The following PCDH9 variants were observed in gnomAD, a reference collection of about 807,000 sequenced individuals.
The protein encoded by PCDH9 is protocadherin-9.
In PCDH9, 24 loss-of-function variants were observed where a neutral mutation model predicts 70.6. That is an observed-to-expected ratio of 0.34 (90% confidence interval 0.25 to 0.48). PCDH9 has a LOEUF of 0.48. Ranked by LOEUF, PCDH9 falls within the 20% of genes least tolerant of loss-of-function variation. The pLI, the probability that PCDH9 is intolerant of heterozygous loss-of-function variation, is 0.99. For missense variants in PCDH9, 1,281 were observed against 1,503.6 expected (o/e 0.85, Z 2.45); for synonymous variants, 562 against 558.5 (o/e 1.01, Z -0.09).
At chr13:66,890,702 C>T (rs2082082788) in intron 3 of PCDH9, among the ~76,000 whole-genome samples, 1 of 152,074 alleles carries the variant, frequency 6.6e-6, no homozygotes, top group Admixed American at 6.6e-5. Flanking sequence ...ATGGCCTAAT[C>T]ACATCGACCA....
intron 2 of PCDH9, among the ~76,000 whole-genome samples, chr13:67,142,870 G>A (rs956475663): frequency 1.4e-4 from 21 of 150,374 alleles, no homozygotes; most frequent in Admixed American, 4.0e-4. Flanking sequence ...ATAGCTGGGC[G>A]TTGTAGCAGG....
At chr13:66,746,650 A>T (rs992786814) in intron 3 of PCDH9, among the ~76,000 whole-genome samples, 1 of 152,186 alleles carries the variant, frequency 6.6e-6, no homozygotes, top group Non-Finnish European at 1.5e-5. Flanking sequence ...TATAAAACAG[A>T]TTTACAGTCT....
chr13:67,059,405 ATATATATGGTATATATAGTATATAC>A (rs1325550193), intron 2 of PCDH9, among the ~76,000 whole-genome samples: 1 of 146,974 alleles, frequency 6.8e-6, no homozygotes, highest in Non-Finnish European at 1.5e-5. Flanking sequence ...TATATAGTGT[ATATATATGGTATATATAGTATATAC>A]TATATATAAT....
intron 3 of PCDH9, among the ~76,000 whole-genome samples, chr13:66,836,127 A>C (rs1478236236): frequency 6.6e-6 from 1 of 152,186 alleles, no homozygotes; most frequent in East Asian, 1.9e-4. Flanking sequence ...ACATGGGGAA[A>C]CAAAGTTGAA....
At position 66,541,719 on chromosome 13, in the gene PCDH9, C is replaced by A. The variant is rs1960965707; in HGVS notation, c.3340+89491G>T. Among the ~76,000 whole-genome samples the A allele has an allele frequency of 2.6e-5, 4 of 152,136 alleles. No homozygotes were observed. The South Asian group carries it at 8.3e-4, about 32-fold the overall frequency. ...CTTAACCAATTACTTCTGCAAATAT[C>A]CTGTTTCCAAATAACAGGGCCACAT... On this transcript the variant is annotated intron_variant, in intron 4 of 4. Coordinates refer to ENST00000377865, the MANE Select transcript of PCDH9 (RefSeq NM_203487.3).
chr13:66,850,707 C>T (rs1188413288), intron 3 of PCDH9, among the ~76,000 whole-genome samples: 1 of 151,638 alleles, frequency 6.6e-6, no homozygotes, highest in Non-Finnish European at 1.5e-5. Flanking sequence ...AGTGATTATC[C>T]CCCTCATATT....
At chr13:66,474,626 T>C (rs1458508746) in intron 4 of PCDH9, among the ~76,000 whole-genome samples, 1 of 152,140 alleles carries the variant, frequency 6.6e-6, no homozygotes, top group Admixed American at 6.5e-5. Context: ...GTTGATAGTT[T>C]GTTATAATTT....
intron 3 of PCDH9, among the ~76,000 whole-genome samples, chr13:66,634,137 A>G (rs1013603748): frequency 6.6e-6 from 1 of 152,208 alleles, no homozygotes; most frequent in Non-Finnish European, 1.5e-5. Flanking sequence ...TTGGAGTGAT[A>G]TAATGTTTAA....
intron 4 of PCDH9, among the ~76,000 whole-genome samples, chr13:66,333,206 AGATTT>A: frequency 6.6e-6 from 1 of 152,340 alleles, no homozygotes; most frequent in East Asian, 1.9e-4. Flanking sequence ...TAGTATGTGT[AGATTT>A]GAAGGAACAA....
At chr13:66,591,898 C>A (rs1400108431) in intron 4 of PCDH9, among the ~76,000 whole-genome samples, 1 of 151,418 alleles carries the variant, frequency 6.6e-6, no homozygotes, top group African/African-American at 2.4e-5. Flanking sequence ...TATAACATTA[C>A]AAGTAAACAA....
chr13:67,208,196 A>G (rs1284066374), intron 2 of PCDH9: 2 of 152,180 alleles, frequency 1.3e-5, no homozygotes, highest in African/African-American at 4.8e-5. Flanking sequence ...TTCATCAATC[A>G]ATTAATGCCC....
At chr13:66,706,328 C>G (rs2078711158) in intron 3 of PCDH9, among the ~76,000 whole-genome samples, 1 of 152,152 alleles carries the variant, frequency 6.6e-6, no homozygotes, top group Non-Finnish European at 1.5e-5. Flanking sequence ...GTCAGCCTGA[C>G]CTTGGTTCAA....
intron 3 of PCDH9, among the ~76,000 whole-genome samples, chr13:66,891,697 CA>C (rs2082098538): frequency 6.6e-6 from 1 of 152,012 alleles, no homozygotes; most frequent in Non-Finnish European, 1.5e-5. Flanking sequence ...ACAGCTTCCC[CA>C]ACGTATGCTT....
At chr13:67,099,245 T>C (rs543651000) in intron 2 of PCDH9, among the ~76,000 whole-genome samples, 1 of 152,354 alleles carries the variant, frequency 6.6e-6, no homozygotes, top group African/African-American at 2.4e-5. Context: ...AGAGAACTTG[T>C]AACTACGTCT....
At chr13:66,462,893 C>A (rs929439942) in intron 4 of PCDH9, among the ~76,000 whole-genome samples, 2 of 151,728 alleles carry the variant, frequency 1.3e-5, no homozygotes, top group African/African-American at 4.8e-5. Flanking sequence ...TTGCTTTCCA[C>A]TATACAAAGA....
chr13:66,819,661 G>A (rs942791348), intron 3 of PCDH9, among the ~76,000 whole-genome samples: 2 of 152,108 alleles, frequency 1.3e-5, no homozygotes, highest in Non-Finnish European at 2.9e-5. Context: ...AAGCTTAGGC[G>A]AGAGGACTGC....
At chr13:66,532,676 G>A (rs1960520964) in intron 4 of PCDH9, among the ~76,000 whole-genome samples, 1 of 152,084 alleles carries the variant, frequency 6.6e-6, no homozygotes, top group Non-Finnish European at 1.5e-5. Context: ...CCGAGTAGCT[G>A]GGACTACCGG....
intron 4 of PCDH9, among the ~76,000 whole-genome samples, chr13:66,482,389 A>T (rs1478338139): frequency 6.6e-6 from 1 of 152,214 alleles, no homozygotes; most frequent in Non-Finnish European, 1.5e-5. Flanking sequence ...TATGAGGAAG[A>T]AAGCACACTT....
intron 2 of PCDH9, among the ~76,000 whole-genome samples, chr13:67,054,028 T>A (rs530530294): frequency 2.0e-5 from 3 of 152,130 alleles, no homozygotes; most frequent in African/African-American, 4.8e-5. Context: ...CATTGCCAAT[T>A]TGCGCCCTCC....
Sources: gnomAD v4.1 joint callset for allele counts (sites outside exome capture counted in the v4.1 genomes callset) on GRCh38, gnomAD v4.1.1 for gene constraint, MANE v1.5 for transcripts, NCBI Gene and HGNC (gene_info 2026-07-23, HGNC 2026-07-21) for gene names.